The following GAS7 variants were observed in gnomAD, a reference collection of about 807,000 sequenced individuals.
The protein encoded by GAS7 is growth arrest-specific protein 7.
GAS7 carries 28 observed loss-of-function variants against 71.1 expected under a neutral mutation model. The observed-to-expected ratio is 0.39, with a 90% CI of 0.29 to 0.54. The LOEUF is 0.54. Among genes scored for constraint, GAS7 ranks in the 20% least tolerant of loss-of-function variants. The pLI is 0.62. For synonymous variants in GAS7, 258 were observed against 245.8 expected (o/e 1.05, Z -0.46); for missense variants, 436 against 627.8 (o/e 0.69, Z 3.27).
intron 1 of GAS7, among the ~76,000 whole-genome samples, chr17:10,125,937 C>A (rs2073942425): frequency 6.6e-6 from 1 of 152,184 alleles, no homozygotes; most frequent in Non-Finnish European, 1.5e-5. Flanking sequence ...ATCAGCAGAG[C>A]CAGAGAGAGC....
At chr17:10,167,073 T>TTTTTTTTTTTTTTTTTTTTTTC (rs138918612) in intron 1 of GAS7, among the ~76,000 whole-genome samples, 1 of 116,008 alleles carries the variant, frequency 8.6e-6, no homozygotes, top group Non-Finnish European at 1.8e-5. Flanking sequence ...TTTTTTTTTT[T>TTTTTTTTTTTTTTTTTTTTTTC]TGAGACAGAG....
rs574720130 is a variant in GAS7 at position 10,057,249 on chromosome 17, C to T, written c.184-37352G>A. Among the ~76,000 whole-genome samples, 4 of 152,290 alleles carry T rather than the reference C, an allele frequency of 2.6e-5. No individual in the cohort carries two copies. In the South Asian group the frequency reaches 8.3e-4, roughly 32 times the overall value. The stretch of plus-strand genomic sequence containing the variant: ...GGAAGTGAGGAGCGTCTCTGCCTGG[C>T]AGCCCATCATCTGGGATGTGAGGAG... On this transcript the variant is annotated intron_variant, in intron 1 of 13. Transcript: ENST00000432992.
At chr17:9,994,901 G>C (rs916738906) in intron 2 of GAS7, among the ~76,000 whole-genome samples, 1 of 152,212 alleles carries the variant, frequency 6.6e-6, no homozygotes, top group African/African-American at 2.4e-5. Context: ...CTGAGTTAGA[G>C]GGCAGGAAAG....
chr17:9,934,325 T>A, intron 8 of GAS7, 81 bp from the exon 9 acceptor site: 1 of 928,378 alleles, frequency 1.1e-6, no homozygotes, highest in Non-Finnish European at 1.7e-6. Flanking sequence ...ACCCCAGGTC[T>A]CGGGGAGGTA....
chr17:10,057,082 T>G (rs1041462980), intron 1 of GAS7, among the ~76,000 whole-genome samples: 1 of 152,192 alleles, frequency 6.6e-6, no homozygotes, highest in African/African-American at 2.4e-5. Context: ...AGACGGAGTC[T>G]CGTTCACTCA....
chr17:10,159,285 T>C (rs2074233118), intron 1 of GAS7, among the ~76,000 whole-genome samples: 1 of 151,674 alleles, frequency 6.6e-6, no homozygotes, highest in African/African-American at 2.4e-5. Flanking sequence ...ACATATTCTA[T>C]GACCTAGCAA....
chr17:10,019,400 A>G (rs2072173104), intron 2 of GAS7, among the ~76,000 whole-genome samples: 1 of 152,178 alleles, frequency 6.6e-6, no homozygotes, highest in South Asian at 2.1e-4. Flanking sequence ...GACATCATGC[A>G]GTGACTTTGC....
chr17:9,928,111 A>T (rs938873927), intron 9 of GAS7, among the ~76,000 whole-genome samples: 12 of 144,424 alleles, frequency 8.3e-5, no homozygotes, highest in African/African-American at 2.3e-4. Context: ...TTTATTTTTT[A>T]TTTATTTATT....
At chr17:9,950,837 C>G (rs538862692) in intron 5 of GAS7, among the ~76,000 whole-genome samples, 2 of 150,850 alleles carry the variant, frequency 1.3e-5, no homozygotes, top group South Asian at 4.2e-4. Context: ...GCCTGGGTGA[C>G]AGGGCGAGAC....
rs746375789 is a variant in GAS7 at position 10,025,472 on chromosome 17, G to A, written c.184-5575C>T. Among the ~76,000 whole-genome samples the A allele has an allele frequency of 2.8e-4, 42 of 151,534 alleles. 1 individual carries two copies. Among genetic ancestry groups the A allele is most frequent in the South Asian group, 6.3e-4 (3 of 4,774 alleles). On this transcript the variant is annotated intron_variant, in intron 1 of 13. Transcript: ENST00000432992. ...GATGTGCAAAAATATCACCGCCCGC[G>A]TCCAGGCCGTCACGTTCCCTAGCTG...
At chr17:10,130,091 C>T (rs1285103083) in intron 1 of GAS7, among the ~76,000 whole-genome samples, 2 of 151,746 alleles carry the variant, frequency 1.3e-5, no homozygotes, top group East Asian at 3.9e-4. Context: ...ATCTCTTGGA[C>T]CCGGGAGGTG....
intron 1 of GAS7, among the ~76,000 whole-genome samples, chr17:10,127,913 G>A (rs1597807777): frequency 6.6e-6 from 1 of 152,224 alleles, no homozygotes; most frequent in South Asian, 2.1e-4. Context: ...GGCCACATAA[G>A]CTCTCAACGG....
At chr17:10,120,006 C>T (rs185020122) in intron 1 of GAS7, among the ~76,000 whole-genome samples, 36 of 152,310 alleles carry the variant, frequency 2.4e-4, no homozygotes, top group African/African-American at 8.4e-4. Context: ...CACTCGCTTT[C>T]GGAAGTGCTA....
intron 1 of GAS7, among the ~76,000 whole-genome samples, chr17:10,148,312 A>C (rs927076800): frequency 3.3e-5 from 5 of 152,006 alleles, no homozygotes; most frequent in Admixed American, 3.3e-4. Context: ...CTGGTTAAGA[A>C]TCCTCTCTCA....
chr17:10,012,970 G>C (rs1447873089), intron 2 of GAS7, among the ~76,000 whole-genome samples: 1 of 152,038 alleles, frequency 6.6e-6, no homozygotes, highest in Non-Finnish European at 1.5e-5. Context: ...GGGCGTGGTG[G>C]CGGGCACTTA....
chr17:10,021,856 G>A (rs909126192), intron 1 of GAS7, among the ~76,000 whole-genome samples: 7 of 152,310 alleles, frequency 4.6e-5, no homozygotes, highest in Admixed American at 6.5e-5. Context: ...GTGTGCATGC[G>A]CGCGTGCATG....
At chr17:10,179,650 G>T (rs944540846) in intron 1 of GAS7, among the ~76,000 whole-genome samples, 2 of 152,122 alleles carry the variant, frequency 1.3e-5, no homozygotes, top group Non-Finnish European at 2.9e-5. Flanking sequence ...CCACAGAAGG[G>T]CTGTGACTTC....
intron 1 of GAS7, among the ~76,000 whole-genome samples, chr17:10,155,021 T>C (rs2142111878): frequency 6.6e-6 from 1 of 151,590 alleles, no homozygotes; most frequent in East Asian, 1.9e-4. Flanking sequence ...AATAACTCTT[T>C]TTTTTTTTTT....
chr17:10,187,927 G>C (rs1597843541), intron 1 of GAS7, among the ~76,000 whole-genome samples: 1 of 152,162 alleles, frequency 6.6e-6, no homozygotes, highest in East Asian at 1.9e-4. Flanking sequence ...TGTGAACTAT[G>C]CTAGCTCCAC....
Sources: gnomAD v4.1 joint callset for allele counts (sites outside exome capture counted in the v4.1 genomes callset) on GRCh38, gnomAD v4.1.1 for gene constraint, MANE v1.5 for transcripts, NCBI Gene and HGNC (gene_info 2026-07-23, HGNC 2026-07-21) for gene names.